CLVS1: variants seen among roughly 807,000 people sequenced by gnomAD.
The protein encoded by CLVS1 is clavesin-1.
CLVS1 carries 10 observed loss-of-function variants against 33.1 expected under a neutral mutation model. That is an observed-to-expected ratio of 0.30 (90% CI 0.19 to 0.51). The LOEUF is 0.51. Among genes scored for constraint, CLVS1 ranks in the 20% least tolerant of loss-of-function variants. The pLI, the probability that CLVS1 is intolerant of heterozygous loss-of-function variation, is 0.97. For synonymous variants in CLVS1, 163 were observed against 166.1 expected, an observed-to-expected ratio of 0.98 and a Z score of 0.14; for missense variants, 343 against 433.4, an observed-to-expected ratio of 0.79 and a Z score of 1.85.
At chr8:61,356,383 T>C (rs1812708778) in intron 2 of CLVS1, among the ~76,000 whole-genome samples, 1 of 152,122 alleles carries the variant, frequency 6.6e-6, no homozygotes, top group Admixed American at 6.5e-5. Flanking sequence ...ACTCTGATGG[T>C]AGTTTCTTTT....
intron 2 of CLVS1, among the ~76,000 whole-genome samples, chr8:61,194,295 C>T (rs1021930726): frequency 6.6e-6 from 1 of 151,914 alleles, no homozygotes; most frequent in Non-Finnish European, 1.5e-5. Context: ...CATTTATATG[C>T]TGTTGAAAAA....
chr8:61,156,214 C>CAAAAAAAAA, intron 2 of CLVS1, among the ~76,000 whole-genome samples: 1 of 56,336 alleles, frequency 1.8e-5, no homozygotes. Flanking sequence ...GATTCCATCT[C>CAAAAAAAAA]AAAAAAAAAA....
At chr8:61,362,257 A>G (rs1813015689) in intron 2 of CLVS1, among the ~76,000 whole-genome samples, 1 of 152,214 alleles carries the variant, frequency 6.6e-6, no homozygotes, top group Non-Finnish European at 1.5e-5. Flanking sequence ...GATGAGAAAG[A>G]GTCAGCCCAA....
At chr8:61,255,090 G>A (rs769773998) in intron 2 of CLVS1, among the ~76,000 whole-genome samples, 1 of 152,114 alleles carries the variant, frequency 6.6e-6, no homozygotes, top group Non-Finnish European at 1.5e-5. Context: ...TTTAGGTAGG[G>A]TTGTAACATT....
Position 61,499,539 on chromosome 8 carries a change from C to T in CLVS1, c.1062C>T (p.Asp354=). The change falls in exon 6 of 6, where the codon GAC becomes GAT. Residue 354 remains aspartate (D), a synonymous_variant. Transcript: ENST00000325897. ...NENTQPLLAL[D] ...ACACCCAGCCACTCCTGGCTCTGGA[C>T]TGAACCCTGAGTCACCCCAATGCTC... 2 of 1,612,582 alleles carry T rather than the reference C, an allele frequency of 1.2e-6. No homozygotes were observed. Among genetic ancestry groups the T allele is most frequent in the South Asian group, 2.2e-5 (2 of 91,050 alleles).
intron 3 of CLVS1, chr8:61,391,098 T>A (rs567466559): frequency 6.6e-6 from 1 of 152,322 alleles, no homozygotes; most frequent in South Asian, 2.1e-4. Flanking sequence ...ATACTGGTTA[T>A]TGGATAACAC....
chr8:61,451,812 C>CACAGAGAGAGAG (rs375319471), intron 3 of CLVS1, among the ~76,000 whole-genome samples: 28 of 142,850 alleles, frequency 2.0e-4, no homozygotes, highest in African/African-American at 6.8e-4. Context: ...CACACACACA[C>CACAGAGAGAGAG]AGAGAGAGAG....
intron 2 of CLVS1, among the ~76,000 whole-genome samples, chr8:61,164,217 C>T (rs1042832655): frequency 3.9e-5 from 6 of 152,236 alleles, no homozygotes; most frequent in African/African-American, 9.6e-5. Flanking sequence ...CCCAACTAGG[C>T]GTAGGAATTC....
chr8:61,302,482 G>A (rs956922434), intron 2 of CLVS1, among the ~76,000 whole-genome samples: 4 of 152,022 alleles, frequency 2.6e-5, no homozygotes, highest in African/African-American at 4.8e-5. Flanking sequence ...AATCCCTGCC[G>A]GTTAGGACCC....
intron 1 of CLVS1, among the ~76,000 whole-genome samples, chr8:61,125,264 G>A (rs944803769): frequency 6.6e-6 from 1 of 152,122 alleles, no homozygotes; most frequent in African/African-American, 2.4e-5. Context: ...GAAGCACCAA[G>A]TATTTGTTTG....
chr8:61,219,229 G>T (rs751770530), intron 2 of CLVS1, among the ~76,000 whole-genome samples: 1 of 152,000 alleles, frequency 6.6e-6, no homozygotes, highest in Non-Finnish European at 1.5e-5. Context: ...ATGCAGGTCT[G>T]TTACATAGGT....
the CLVS1 span, among the ~76,000 whole-genome samples, chr8:61,040,045 C>T: frequency 1.3e-5 from 2 of 152,152 alleles, no homozygotes; most frequent in Non-Finnish European, 2.9e-5. Context: ...CTTTTTGTGT[C>T]CATATGTACC....
chr8:61,312,726 T>C (rs910802382), intron 2 of CLVS1, among the ~76,000 whole-genome samples: 3 of 152,196 alleles, frequency 2.0e-5, no homozygotes, highest in African/African-American at 7.2e-5. Flanking sequence ...ATGAAGGAGA[T>C]GTTGTTATTC....
intron 2 of CLVS1, among the ~76,000 whole-genome samples, chr8:61,340,638 A>G (rs1811998207): frequency 6.6e-6 from 1 of 152,212 alleles, no homozygotes. Flanking sequence ...TAATGCTGCA[A>G]TGAACACAGA....
chr8:61,271,617 T>G (rs1401467068), intron 2 of CLVS1, among the ~76,000 whole-genome samples: 2 of 98,558 alleles, frequency 2.0e-5, no homozygotes, highest in Non-Finnish European at 3.6e-5. Context: ...CAGTGGGGTG[T>G]TGAAGTCTCC....
At chr8:60,985,539 C>A in the CLVS1 span, among the ~76,000 whole-genome samples, 1 of 152,208 alleles carries the variant, frequency 6.6e-6, no homozygotes, top group Non-Finnish European at 1.5e-5. Context: ...TGGCTCCACA[C>A]TACGCTCGTT....
At chr8:61,167,381 C>T (rs1162509209) in intron 2 of CLVS1, among the ~76,000 whole-genome samples, 1 of 151,952 alleles carries the variant, frequency 6.6e-6, no homozygotes, top group African/African-American at 2.4e-5. Flanking sequence ...GGGGTTTCTC[C>T]ATGTTGGTCA....
intron 2 of CLVS1, among the ~76,000 whole-genome samples, chr8:61,308,370 C>G (rs1336994071): frequency 6.6e-6 from 1 of 152,186 alleles, no homozygotes; most frequent in Non-Finnish European, 1.5e-5. Flanking sequence ...GCCAGTCACT[C>G]AGCCCCTGAG....
Position 61,444,725 on chromosome 8 carries a change from CT to C in CLVS1, c.631-9413del, listed in dbSNP as rs551780574. The stretch of plus-strand genomic sequence containing the variant: ...GTGAGTAGAGAACTTGGGCAAGAGC[CT>C]TTATTGTGATTTTCATAGGAAAGAA... On this transcript the variant is annotated intron_variant, in intron 3 of 5. Coordinates refer to ENST00000325897, the MANE Select transcript of CLVS1 (RefSeq NM_173519.3). Among the ~76,000 whole-genome samples, 935 of 152,232 alleles carry C rather than the reference CT, an allele frequency of 6.1e-3. 14 individuals are homozygous for C. Among genetic ancestry groups the C allele is most frequent in the African/African-American group, 0.021 (878 of 41,524 alleles).
Sources: gnomAD v4.1 joint callset for allele counts (sites outside exome capture counted in the v4.1 genomes callset) on GRCh38, gnomAD v4.1.1 for gene constraint, MANE v1.5 for transcripts, NCBI Gene and HGNC (gene_info 2026-07-23, HGNC 2026-07-21) for gene names.